Variants in PEX5L observed in about 807,000 individuals in gnomAD.
PEX5L encodes the protein peroxisomal biogenesis factor 5 like.
In PEX5L, 30 loss-of-function variants were observed where a neutral mutation model predicts 84.0. The observed-to-expected ratio is 0.36, with a 90% CI of 0.27 to 0.48. The LOEUF is 0.48. Ranked by LOEUF, PEX5L falls within the 20% of genes least tolerant of loss-of-function variation. PEX5L has a pLI of 0.99. For missense variants in PEX5L, 533 were observed against 754.6 expected, an observed-to-expected ratio of 0.71 and a Z score of 3.44; for synonymous variants, 270 against 283.1, an observed-to-expected ratio of 0.95 and a Z score of 0.46.
At chr3:179,956,086 A>G (rs1370629073) in intron 2 of PEX5L, among the ~76,000 whole-genome samples, 1 of 152,158 alleles carries the variant, frequency 6.6e-6, no homozygotes, top group Non-Finnish European at 1.5e-5. Context: ...AGTTTTCCTT[A>G]AGAAATTCTC....
intron 2 of PEX5L, among the ~76,000 whole-genome samples, chr3:179,919,584 T>C (rs772979429): frequency 1.3e-5 from 2 of 152,294 alleles, no homozygotes; most frequent in Admixed American, 1.3e-4. Flanking sequence ...TAGGCTGCCA[T>C]TGGGTCAGCA....
intron 1 of PEX5L, among the ~76,000 whole-genome samples, chr3:179,988,390 A>G (rs1787059453): frequency 6.8e-6 from 1 of 147,408 alleles, no homozygotes; most frequent in African/African-American, 2.5e-5. Context: ...ATCTGCCTCA[A>G]TAAATAAATA....
At chr3:179,838,350 G>A (rs1022231049) in intron 8 of PEX5L, among the ~76,000 whole-genome samples, 1 of 152,148 alleles carries the variant, frequency 6.6e-6, no homozygotes, top group Non-Finnish European at 1.5e-5. Flanking sequence ...GTACTGGGCT[G>A]CCTCTACATA....
At chr3:179,925,168 T>C (rs999331591) in intron 2 of PEX5L, among the ~76,000 whole-genome samples, 6 of 152,234 alleles carry the variant, frequency 3.9e-5, no homozygotes, top group African/African-American at 1.2e-4. Context: ...TTTTCAGTAA[T>C]AATTCTGGTC....
chr3:179,984,560 A>C lies in PEX5L; in HGVS notation c.22-12895T>G, dbSNP rs971191259. 5.9e-5 allele frequency among the ~76,000 whole-genome samples: 9 copies of C among 152,336 alleles called. 1 individual carries two copies. Among genetic ancestry groups the C allele is most frequent in the African/African-American group, 2.2e-4 (9 of 41,582 alleles). On this transcript the variant is annotated intron_variant, in intron 1 of 14. Transcript: ENST00000467460. ...ATAATTTTCAGAAGGATATAGACGC[A>C]TGGAGACAAATGTTTGAACCACTGC...
intron 7 of PEX5L, among the ~76,000 whole-genome samples, chr3:179,868,042 CTTTTTTTTTTT>C (rs71628101): frequency 2.6e-5 from 3 of 116,362 alleles, no homozygotes; most frequent in Admixed American, 8.8e-5. Flanking sequence ...TCTTCTTCTT[CTTTTTTTTTTT>C]TTTTTTTTTT....
At chr3:179,994,647 G>C (rs1032534888) in intron 1 of PEX5L, among the ~76,000 whole-genome samples, 1 of 152,104 alleles carries the variant, frequency 6.6e-6, no homozygotes, top group East Asian at 1.9e-4. Flanking sequence ...CAACTTGATC[G>C]AAGGATGCAA....
chr3:179,987,663 C>A (rs376147561), intron 1 of PEX5L, among the ~76,000 whole-genome samples: 1 of 152,134 alleles, frequency 6.6e-6, no homozygotes, highest in Non-Finnish European at 1.5e-5. Context: ...CCTCCTACCC[C>A]CAACCTTACA....
At chr3:179,989,611 A>G (rs1787197088) in intron 1 of PEX5L, among the ~76,000 whole-genome samples, 1 of 152,188 alleles carries the variant, frequency 6.6e-6, no homozygotes, top group African/African-American at 2.4e-5. Flanking sequence ...ATATAAAGCA[A>G]TTGTAATTTA....
At chr3:179,908,257 G>C (rs552656428) in intron 2 of PEX5L, among the ~76,000 whole-genome samples, 2 of 152,294 alleles carry the variant, frequency 1.3e-5, no homozygotes, top group South Asian at 4.1e-4. Flanking sequence ...AGATCTTAAA[G>C]CTGCAAGCCA....
intron 1 of PEX5L, among the ~76,000 whole-genome samples, chr3:180,010,241 G>A (rs994629531): frequency 3.4e-5 from 4 of 118,636 alleles, no homozygotes; most frequent in Admixed American, 7.6e-5. Context: ...CACTGCACCC[G>A]GCCTCTTTTT....
At chr3:179,989,915 G>T (rs1316047658) in intron 1 of PEX5L, among the ~76,000 whole-genome samples, 1 of 152,172 alleles carries the variant, frequency 6.6e-6, no homozygotes, top group African/African-American at 2.4e-5. Flanking sequence ...ATCACATTCA[G>T]GTTTTGCCAC....
At chr3:179,880,369 T>C (rs1753797808) in intron 4 of PEX5L, among the ~76,000 whole-genome samples, 2 of 152,188 alleles carry the variant, frequency 1.3e-5, no homozygotes, top group South Asian at 4.1e-4. Context: ...TGATGAAGCT[T>C]TGAATGAAAT....
chr3:179,924,673 T>C (rs1326604559), intron 2 of PEX5L, among the ~76,000 whole-genome samples: 2 of 152,198 alleles, frequency 1.3e-5, no homozygotes, highest in African/African-American at 2.4e-5. Flanking sequence ...CATGGAAATA[T>C]ACTTACCTGC....
rs1416454516 is a variant in PEX5L at position 179,887,773 on chromosome 3, C to T, written c.210G>A (p.Glu70=). 2 of 1,611,860 alleles carry T rather than the reference C, an allele frequency of 1.2e-6. No individual in the cohort carries two copies. Among genetic ancestry groups the T allele is most frequent in the Non-Finnish European group, 8.5e-7 (1 of 1,178,096 alleles). Reference sequence around the variant, plus strand: ...TCAGGAGGGGTCTGCTTTCTTGTTGCTCATTCACCAGCTGAGAACAAATGA... The same window carrying T: ...TCAGGAGGGGTCTGCTTTCTTGTTGTTCATTCACCAGCTGAGAACAAATGA... The part of the protein sequence containing the change: ...LLTMTSQLVN[E]QQESRPLLSP... The change falls in exon 4 of 15, where the codon GAG becomes GAA. Residue 70 remains glutamate (E), a synonymous_variant. Transcript: ENST00000467460.
At chr3:179,952,975 A>G (rs1263883681) in intron 2 of PEX5L, among the ~76,000 whole-genome samples, 1 of 152,184 alleles carries the variant, frequency 6.6e-6, no homozygotes, top group Non-Finnish European at 1.5e-5. Flanking sequence ...GATCTTTGAC[A>G]AACCTGACAA....
chr3:180,023,234 C>T (rs1790576148), intron 1 of PEX5L, among the ~76,000 whole-genome samples: 1 of 152,174 alleles, frequency 6.6e-6, no homozygotes, highest in South Asian at 2.1e-4. Flanking sequence ...GATAAAATAT[C>T]TATCTTTTGC....
chr3:179,864,631 A>G lies in PEX5L; in HGVS notation c.727-5474T>C, dbSNP rs1747461893. On this transcript the variant is annotated intron_variant, in intron 7 of 14. Coordinates refer to ENST00000467460, the MANE Select transcript of PEX5L (RefSeq NM_016559.3). ...TCTATGGCACATTATGGTAACTATC[A>G]TTAATAACAGTGTGTTATATTTTTG... Among the ~76,000 whole-genome samples the G allele has an allele frequency of 2.6e-5, 4 of 152,244 alleles. No homozygotes were observed. The South Asian group carries it at 6.2e-4, about 24-fold the overall frequency.
intron 2 of PEX5L, among the ~76,000 whole-genome samples, chr3:179,944,040 T>C (rs965116531): frequency 1.3e-5 from 2 of 151,500 alleles, no homozygotes; most frequent in Non-Finnish European, 2.9e-5. Context: ...AAACTTATAT[T>C]CCACTCAAAT....
Sources: gnomAD v4.1 joint callset for allele counts (sites outside exome capture counted in the v4.1 genomes callset) on GRCh38, gnomAD v4.1.1 for gene constraint, MANE v1.5 for transcripts, NCBI Gene and HGNC (gene_info 2026-07-23, HGNC 2026-07-21) for gene names.